KDM2B: variants seen among roughly 807,000 people sequenced by gnomAD.
The protein encoded by KDM2B is lysine demethylase 2B.
KDM2B carries 26 observed loss-of-function variants against 150.0 expected under a neutral mutation model. The observed-to-expected ratio is 0.17, with a 90% CI of 0.13 to 0.24. The LOEUF (loss-of-function observed/expected upper bound fraction) is 0.24, where lower values mean the gene tolerates loss of function less well. KDM2B is among the 10% of genes least tolerant of loss of function. The pLI is 1.00. For synonymous variants in KDM2B, 734 were observed against 729.5 expected (o/e 1.01, Z -0.10); for missense variants, 1,265 against 1,816.9 (o/e 0.70, Z 5.52).
At position 121,444,467 on chromosome 12, in the gene KDM2B, C is replaced by A. The variant is rs1555289644; in HGVS notation, c.2173G>T (p.Ala725Ser). ...NCWECPKCNH[A>S]GKTGKQKRGP... ...GCACTCACTTTCCCGGTCTTGCCGG[C>A]GTGGTTACACTTCGGACACTCCCAG... The change falls in exon 15 of 23, where the codon GCC becomes TCC. Residue 725 changes from alanine (A) to serine (S), a missense_variant. Around this residue, in one of 11 missense-constraint regions of KDM2B, gnomAD observed 38 missense variants for 98.1 expected, o/e 0.39. Coordinates refer to ENST00000377071, the MANE Select transcript of KDM2B (RefSeq NM_032590.5). The A allele has an allele frequency of 3.7e-6, 6 of 1,614,042 alleles. No individual in the cohort carries two copies. The highest frequency in any genetic ancestry group is 4.2e-6 in the Non-Finnish European group (5 of 1,180,040).
chr12:121,543,639 C>G (rs1487970947), intron 6 of KDM2B, among the ~76,000 whole-genome samples: 1 of 151,954 alleles, frequency 6.6e-6, no homozygotes, highest in Middle Eastern at 3.4e-3. Flanking sequence ...TCCTGGCCAA[C>G]ATGGTGAAAC....
chr12:121,555,356 A>G (rs1889811831), intron 4 of KDM2B, among the ~76,000 whole-genome samples: 1 of 152,146 alleles, frequency 6.6e-6, no homozygotes, highest in Admixed American at 6.6e-5. Flanking sequence ...AAAAGAAAGA[A>G]TAACTAGTCT....
the KDM2B span, chr12:121,423,456 C>T: frequency 2.5e-6 from 4 of 1,613,590 alleles, no homozygotes; most frequent in Non-Finnish European, 1.7e-6. The surrounding 1 kb of genome is among the most constrained non-coding windows in gnomAD (Gnocchi z 4.3). Context: ...ATGCCGTCAT[C>T]GACTGTGTCC....
chr12:121,446,151 T>A (rs1162707889), intron 13 of KDM2B, among the ~76,000 whole-genome samples: 2 of 151,912 alleles, frequency 1.3e-5, no homozygotes, highest in African/African-American at 4.8e-5. Flanking sequence ...ATCCCAGCAC[T>A]TTGGGAGGCC....
chr12:121,529,512 G>A (rs1243715260), intron 8 of KDM2B, among the ~76,000 whole-genome samples: 1 of 152,030 alleles, frequency 6.6e-6, no homozygotes, highest in Non-Finnish European at 1.5e-5. Context: ...ACCCTTTCTG[G>A]GTTTCCCAAG....
chr12:121,491,141 C>A (rs138712009), intron 12 of KDM2B, among the ~76,000 whole-genome samples: 1 of 152,170 alleles, frequency 6.6e-6, no homozygotes, highest in Admixed American at 6.5e-5. Context: ...CCACTCTCCC[C>A]GCCACATATC....
chr12:121,572,121 C>T (rs1458206308), intron 4 of KDM2B, among the ~76,000 whole-genome samples: 2 of 152,102 alleles, frequency 1.3e-5, no homozygotes, highest in Admixed American at 6.6e-5. Flanking sequence ...TCGCTTAGGC[C>T]CAGGAGTTGC....
chr12:121,463,648 A>T (rs1879420915), intron 12 of KDM2B, among the ~76,000 whole-genome samples: 1 of 152,152 alleles, frequency 6.6e-6, no homozygotes, highest in Admixed American at 6.6e-5. Flanking sequence ...TGGGGCCATC[A>T]CTACTCACTG....
At chr12:121,423,420 C>A in the KDM2B span, 2 of 1,611,646 alleles carry the variant, frequency 1.2e-6, no homozygotes, top group Non-Finnish European at 1.7e-6. The surrounding 1 kb of genome is among the most constrained non-coding windows in gnomAD (Gnocchi z 4.3). Flanking sequence ...ATGAGGAAGA[C>A]GACAGCCTGT....
intron 4 of KDM2B, among the ~76,000 whole-genome samples, chr12:121,557,097 G>A (rs1366567196): frequency 6.6e-6 from 1 of 151,964 alleles, no homozygotes; most frequent in Non-Finnish European, 1.5e-5. Flanking sequence ...TACCTCAAGG[G>A]GTACTGTGAG....
chr12:121,457,829 C>T (rs181868817), intron 12 of KDM2B, among the ~76,000 whole-genome samples: 1 of 151,998 alleles, frequency 6.6e-6, no homozygotes, highest in East Asian at 1.9e-4. Context: ...AGAGCATTGT[C>T]CTTTAAGTGA....
rs1872832043 is a variant in KDM2B, at chr12:121,430,564, G to A, written c.3830-95C>T. 1.2e-6 allele frequency: 1 copy of A among 805,500 alleles called. No homozygotes were observed. The highest frequency in any genetic ancestry group is 1.8e-5 in the Admixed American group (1 of 54,406). 49.9% of individuals were successfully genotyped at this position (805,500 alleles called of 1,614,324 possible). A position where few individuals can be genotyped will look rare whatever the true frequency, so the allele number is the denominator to read the frequency against. On this transcript the variant is annotated intron_variant, in intron 22 of 22. Coordinates refer to ENST00000377071, the MANE Select transcript of KDM2B (RefSeq NM_032590.5). The surrounding 1 kb of genome is among the most constrained non-coding windows in gnomAD (Gnocchi z 4.4). The stretch of plus-strand genomic sequence containing the variant: ...GGCACTCAGCAGTGGGGACAGGTCA[G>A]AGCTCTACATATTCCAGTCCCTGCT...
At chr12:121,499,639 G>A (rs1393933473) in intron 11 of KDM2B, among the ~76,000 whole-genome samples, 2 of 151,870 alleles carry the variant, frequency 1.3e-5, no homozygotes, top group Non-Finnish European at 2.9e-5. Context: ...GCAAAAGTAG[G>A]AGACTCTGTC....
At position 121,533,022 on chromosome 12, in the gene KDM2B, C is replaced by A; in HGVS notation, c.778-63G>T. The A allele has an allele frequency of 1.3e-6, 2 of 1,568,748 alleles. No individual in the cohort carries two copies. The highest frequency in any genetic ancestry group is 4.5e-5 in the East Asian group (2 of 44,574). ...GCCCAGACAAGACCCAGAGAGAGGGCCCCACCTGCCTGGCGGAAGGGGAGG... is the reference window on the plus strand; with the variant it reads ...GCCCAGACAAGACCCAGAGAGAGGGACCCACCTGCCTGGCGGAAGGGGAGG... On this transcript the variant is annotated intron_variant, in intron 7 of 22. Coordinates refer to ENST00000377071, the MANE Select transcript of KDM2B (RefSeq NM_032590.5). This position sits in a 1 kb window ranked among gnomAD's most constrained non-coding sequence, Gnocchi z 4.1.
chr12:121,537,117 T>TCCTGGCCGCCAAG lies in KDM2B; in HGVS notation c.684-2540_684-2528dup, dbSNP rs1417732251. 6.6e-6 allele frequency among the ~76,000 whole-genome samples: 1 copy of TCCTGGCCGCCAAG among 151,996 alleles called. No homozygotes were observed. The highest frequency in any genetic ancestry group is 6.6e-5 in the Admixed American group (1 of 15,260). ...GCCCCTCCTCCCGGTGTCCCTCATTTCCTGGCCGCCAAGCCTGGCCGCCCC... is the reference window on the plus strand; with the variant it reads ...GCCCCTCCTCCCGGTGTCCCTCATTTCCTGGCCGCCAAGCCTGGCCGCCAAGCCTGGCCGCCCC... On this transcript the variant is annotated intron_variant, in intron 6 of 22. Transcript: ENST00000377071. This position sits in a 1 kb window ranked among gnomAD's most constrained non-coding sequence, Gnocchi z 8.7.
At chr12:121,486,476 G>A (rs886553089) in intron 12 of KDM2B, among the ~76,000 whole-genome samples, 4 of 149,558 alleles carry the variant, frequency 2.7e-5, no homozygotes, top group African/African-American at 9.9e-5. Flanking sequence ...ACTGCGCCCG[G>A]CATTTTACCA....
chr12:121,463,790 G>A (rs1555294217), intron 12 of KDM2B, among the ~76,000 whole-genome samples: 1 of 152,068 alleles, frequency 6.6e-6, no homozygotes, highest in African/African-American at 2.4e-5. Context: ...TGTTGCCCAG[G>A]CTGGTCCCAA....
chr12:121,464,428 C>T (rs1438838901), intron 12 of KDM2B, among the ~76,000 whole-genome samples: 1 of 152,254 alleles, frequency 6.6e-6, no homozygotes, highest in Non-Finnish European at 1.5e-5. Flanking sequence ...CAACATGGCT[C>T]GCTCACCGCG....
chr12:121,478,443 T>TC (rs1191178292), intron 12 of KDM2B, among the ~76,000 whole-genome samples: 9 of 147,568 alleles, frequency 6.1e-5, no homozygotes, highest in Non-Finnish European at 8.9e-5. Context: ...CACTGCAACC[T>TC]CCGCCTCCCA....
Sources: allele counts gnomAD v4.1 joint callset (sites outside exome capture counted in the v4.1 genomes callset), GRCh38; gene constraint gnomAD v4.1.1; regional missense constraint gnomAD v4.1.1; non-coding constraint Gnocchi (gnomAD v3.1); transcripts MANE v1.5; gene names NCBI Gene and HGNC (gene_info 2026-07-23, HGNC 2026-07-21).